Variants in DAPK1 observed in about 807,000 individuals in gnomAD.
The protein encoded by DAPK1 is death-associated protein kinase 1.
In DAPK1, 56 loss-of-function variants were observed where a neutral mutation model predicts 144.9. The observed-to-expected ratio is 0.39, with a 90% CI of 0.31 to 0.48. The LOEUF (loss-of-function observed/expected upper bound fraction) is 0.48. Ranked by LOEUF, DAPK1 falls within the 20% of genes least tolerant of loss-of-function variation. The probability of loss-of-function intolerance (pLI) is 0.95; values close to 1 mark genes in which losing one functional copy is unlikely to be tolerated. For missense variants in DAPK1, 1,454 were observed against 1,875.4 expected (o/e 0.78, Z 4.15); for synonymous variants, 690 against 749.0 (o/e 0.92, Z 1.29).
chr9:87,694,391 T>A (rs1825184013), intron 21 of DAPK1, among the ~76,000 whole-genome samples: 1 of 152,102 alleles, frequency 6.6e-6, no homozygotes, highest in South Asian at 2.1e-4. Context: ...TTCAGGCTCT[T>A]AGGGGATTGT....
Position 87,707,745 on chromosome 9 carries a change from A to G in DAPK1, c.*381A>G. On this transcript the variant is annotated 3_prime_UTR_variant, in exon 26 of 26. Transcript: ENST00000408954. This position sits in a 1 kb window ranked among gnomAD's most constrained non-coding sequence, Gnocchi z 4.0. ...ACTACTATATTGATTGTCCTTTAAAAAAGAAAAGTGCATATTTATCCAAAA... is the reference window on the plus strand; with the variant it reads ...ACTACTATATTGATTGTCCTTTAAAGAAGAAAAGTGCATATTTATCCAAAA... 1 of 436,542 alleles carries G rather than the reference A, an allele frequency of 2.3e-6. No homozygotes were observed. Among genetic ancestry groups the G allele is most frequent in the South Asian group, 1.7e-5 (1 of 57,770 alleles). The allele number at this position is 436,542 out of a possible 1,614,324, so 27.0% of individuals were successfully genotyped here.
chr9:87,612,926 T>G (rs1265636971), intron 3 of DAPK1, among the ~76,000 whole-genome samples: 1 of 152,200 alleles, frequency 6.6e-6, no homozygotes, highest in Non-Finnish European at 1.5e-5. Flanking sequence ...AATTATAAAG[T>G]AAAAGTGCTA....
chr9:87,630,012 A>C (rs1829616646), intron 3 of DAPK1, among the ~76,000 whole-genome samples: 1 of 152,172 alleles, frequency 6.6e-6, no homozygotes, highest in Admixed American at 6.5e-5. Context: ...GAGACCACGC[A>C]GAGACATGAG....
chr9:87,700,394 A>T (rs1046878764), intron 24 of DAPK1, among the ~76,000 whole-genome samples, 157 bp downstream of exon 24: 2 of 152,154 alleles, frequency 1.3e-5, no homozygotes, highest in African/African-American at 2.4e-5. Context: ...AGAATAGAGA[A>T]ACAAGGAGAT....
chr9:87,517,610 T>C (rs1273739851), intron 2 of DAPK1, among the ~76,000 whole-genome samples: 2 of 152,190 alleles, frequency 1.3e-5, no homozygotes, highest in African/African-American at 4.8e-5. Context: ...ATTGTAGCCA[T>C]GGTTCCTGTG....
intron 21 of DAPK1, among the ~76,000 whole-genome samples, chr9:87,693,407 C>G (rs1825145492): frequency 6.6e-6 from 1 of 151,804 alleles, no homozygotes; most frequent in South Asian, 2.1e-4. Context: ...AGAAGTTCTT[C>G]AATTCTAGAA....
In DAPK1 at chr9:87,497,897, G is replaced by C. The variant is rs980565119; in HGVS notation, c.-319G>C. On this transcript the variant is annotated 5_prime_UTR_variant, in exon 1 of 26. Coordinates refer to ENST00000408954, the MANE Select transcript of DAPK1 (RefSeq NM_004938.4). ...GGAGTGTGAGGAGGACAGCCGGACC[G>C]AGCCAACGCCGGGGACTTTGTTCCC... 3 of 395,046 alleles carry C rather than the reference G, an allele frequency of 7.6e-6. No homozygotes were observed. Among genetic ancestry groups the C allele is most frequent in the East Asian group, 3.6e-5 (1 of 27,934 alleles). The allele number at this position is 395,046 out of a possible 1,614,324, so 24.5% of individuals were successfully genotyped here.
At chr9:87,664,872 T>C (rs887591636) in intron 18 of DAPK1, among the ~76,000 whole-genome samples, 1 of 152,196 alleles carries the variant, frequency 6.6e-6, no homozygotes, top group Admixed American at 6.5e-5. Flanking sequence ...CCATCTCCTG[T>C]TCCGCCTCCT....
chr9:87,510,393 A>G (rs1824790617), intron 2 of DAPK1, among the ~76,000 whole-genome samples: 1 of 152,234 alleles, frequency 6.6e-6, no homozygotes, highest in South Asian at 2.1e-4. Context: ...CTGCATTGAG[A>G]GAAGTTATAA....
At chr9:87,651,449 TGGC>T in intron 16 of DAPK1, 75 bp from the exon 17 acceptor site, 13 of 1,412,492 alleles carry the variant, frequency 9.2e-6, no homozygotes, top group Non-Finnish European at 1.3e-5. Context: ...CCTCACTCGA[TGGC>T]GGCAGAAAAG....
At chr9:87,504,129 G>A (rs1019823109) in intron 2 of DAPK1, among the ~76,000 whole-genome samples, 1 of 152,094 alleles carries the variant, frequency 6.6e-6, no homozygotes, top group African/African-American at 2.4e-5. Context: ...CCACCGGTGG[G>A]TTTCTGCATC....
chr9:87,686,441 G>A lies in DAPK1; in HGVS notation c.2225-110G>A. 1 of 653,788 alleles carries A rather than the reference G, an allele frequency of 1.5e-6. No individual in the cohort carries two copies. Among genetic ancestry groups the A allele is most frequent in the East Asian group, 2.7e-5 (1 of 36,698 alleles). 40.5% of individuals were successfully genotyped at this position (653,788 alleles called of 1,614,324 possible). A position where few individuals can be genotyped will look rare whatever the true frequency, so the allele number is the denominator to read the frequency against. On this transcript the variant is annotated intron_variant, in intron 20 of 25. Transcript: ENST00000408954. This position sits in a 1 kb window ranked among gnomAD's most constrained non-coding sequence, Gnocchi z 4.2. ...ACACTCAGCCTGAAGCCAGAGTTGG[G>A]GTGGGGACAGAGGCGTGCTCCAGAA...
intron 2 of DAPK1, among the ~76,000 whole-genome samples, chr9:87,539,130 T>G (rs928709767): frequency 1.3e-5 from 2 of 151,512 alleles, no homozygotes; most frequent in Non-Finnish European, 2.9e-5. Context: ...TATAAACATA[T>G]GGATGCTACA....
chr9:87,646,101 C>G, intron 12 of DAPK1, 87 bp downstream of exon 12: 1 of 1,468,142 alleles, frequency 6.8e-7, no homozygotes, highest in Non-Finnish European at 9.3e-7. Flanking sequence ...ATCTGCTTCT[C>G]CATTCTCCCT....
At chr9:87,670,935 T>C (rs1831229347) in intron 19 of DAPK1, among the ~76,000 whole-genome samples, 1 of 152,200 alleles carries the variant, frequency 6.6e-6, no homozygotes. Context: ...CCCTTAGCAA[T>C]GGTCCCTTCT....
intron 3 of DAPK1, 147 bp from the exon 4 acceptor site, chr9:87,637,796 A>C: frequency 2.3e-6 from 2 of 865,692 alleles, no homozygotes; most frequent in Non-Finnish European, 3.4e-6. Flanking sequence ...CAACCTGCAC[A>C]GAGAATTCTG....
chr9:87,706,615 G>C lies in DAPK1; in HGVS notation c.3544G>C (p.Glu1182Gln). ...NGCKLANRGA[E>Q]LLVLLVNHGQ... ...CTGCAAGCTGGCCAACCGTGGGGCC[G>C]AGCTGCTGGTGCTGCTGGTCAACCA... The change falls in exon 26 of 26, where the codon GAG becomes CAG. Residue 1182 changes from glutamate to glutamine, a missense_variant. Glu to Gln is a conservative substitution (Grantham distance 29). Coordinates refer to ENST00000408954, the MANE Select transcript of DAPK1 (RefSeq NM_004938.4). The surrounding 1 kb of genome is among the most constrained non-coding windows in gnomAD (Gnocchi z 9.0). The C allele has an allele frequency of 6.2e-7, 1 of 1,613,146 alleles. No homozygotes were observed. The highest frequency in any genetic ancestry group is 8.5e-7 in the Non-Finnish European group (1 of 1,179,730).
At chr9:87,691,159 C>T (rs1364901930) in intron 21 of DAPK1, among the ~76,000 whole-genome samples, 1 of 151,806 alleles carries the variant, frequency 6.6e-6, no homozygotes, top group Non-Finnish European at 1.5e-5. Context: ...TTTTTAATAC[C>T]AGTTCAATCT....
chr9:87,517,188 C>T (rs1387800753), intron 2 of DAPK1, among the ~76,000 whole-genome samples: 1 of 151,986 alleles, frequency 6.6e-6, no homozygotes, highest in Non-Finnish European at 1.5e-5. Context: ...GGAGAATAAC[C>T]AGGAAGGGGC....
Sources: allele counts gnomAD v4.1 joint callset (sites outside exome capture counted in the v4.1 genomes callset), GRCh38; gene constraint gnomAD v4.1.1; non-coding constraint Gnocchi (gnomAD v3.1); transcripts MANE v1.5; gene names NCBI Gene and HGNC (gene_info 2026-07-23, HGNC 2026-07-21).